Variants in BBX observed in about 807,000 individuals in gnomAD.
BBX encodes the protein BBX high mobility group box domain containing.
A neutral mutation model predicts 100.2 loss-of-function variants in BBX; 30 were observed. The ratio of observed to expected loss-of-function variants is 0.30; its 90% CI spans 0.22 to 0.41. The LOEUF (loss-of-function observed/expected upper bound fraction) is 0.41. Ranked by LOEUF, BBX falls within the 10% of genes least tolerant of loss-of-function variation. The pLI is 1.00. For synonymous variants in BBX, 376 were observed against 388.1 expected, an observed-to-expected ratio of 0.97 and a Z score of 0.37; for missense variants, 1,023 against 1,129.8, an observed-to-expected ratio of 0.91 and a Z score of 1.35.
intron 2 of BBX, among the ~76,000 whole-genome samples, chr3:107,613,688 A>G (rs1282280789): frequency 6.6e-6 from 1 of 152,078 alleles, no homozygotes; most frequent in Non-Finnish European, 1.5e-5. Flanking sequence ...GATTCAATAC[A>G]TATGCTTTTT....
chr3:107,763,540 A>T (rs1408985045), intron 10 of BBX, among the ~76,000 whole-genome samples: 1 of 152,230 alleles, frequency 6.6e-6, no homozygotes, highest in Non-Finnish European at 1.5e-5. Context: ...GCGAGTCCGT[A>T]GTAACAAACT....
At chr3:107,728,743 C>T (rs754000701) in intron 5 of BBX, 22 bp from the exon 6 acceptor site, 1 of 1,579,062 alleles carries the variant, frequency 6.3e-7, no homozygotes, top group South Asian at 1.2e-5. Flanking sequence ...TTAAAATCTG[C>T]TGTCTGTCGT....
chr3:107,603,674 G>A (rs1005256431), intron 2 of BBX, among the ~76,000 whole-genome samples: 2 of 151,990 alleles, frequency 1.3e-5, no homozygotes, highest in African/African-American at 4.8e-5. Flanking sequence ...CACCGTACCC[G>A]GCCTCCTTGT....
chr3:107,644,096 A>G (rs1188095368), intron 2 of BBX, among the ~76,000 whole-genome samples: 2 of 152,212 alleles, frequency 1.3e-5, no homozygotes, highest in Non-Finnish European at 2.9e-5. Flanking sequence ...TTATCAAGAC[A>G]AAGTGCAATT....
chr3:107,725,445 G>T (rs1384431542), intron 5 of BBX, among the ~76,000 whole-genome samples: 1 of 152,028 alleles, frequency 6.6e-6, no homozygotes, highest in Admixed American at 6.6e-5. Context: ...CCAACACTAT[G>T]TTGAATAGGA....
chr3:107,735,993 A>G (rs2063610834), intron 7 of BBX, among the ~76,000 whole-genome samples: 1 of 152,092 alleles, frequency 6.6e-6, no homozygotes, highest in Admixed American at 6.6e-5. Flanking sequence ...TTATTTGCAC[A>G]TAATCGGCCT....
intron 2 of BBX, among the ~76,000 whole-genome samples, chr3:107,605,733 A>G (rs636952): frequency 0.5 from 76,551 of 152,058 alleles, 20,798 homozygotes; most frequent in East Asian, 0.92. Context: ...CTCATTTTGC[A>G]GATGAAGAAA....
intron 2 of BBX, among the ~76,000 whole-genome samples, chr3:107,558,450 C>T (rs2050240741): frequency 6.6e-6 from 1 of 151,958 alleles, no homozygotes; most frequent in South Asian, 2.1e-4. Context: ...ATCACACCAC[C>T]ATACTTCAGC....
intron 10 of BBX, among the ~76,000 whole-genome samples, chr3:107,771,313 T>TA (rs1158083064): frequency 6.6e-6 from 1 of 152,154 alleles, no homozygotes; most frequent in Non-Finnish European, 1.5e-5. Flanking sequence ...TTTCCCATTT[T>TA]AAAAAATAGC....
chr3:107,787,801 ACATCTTGGAGAAGAACATTTTCTAGGC>A (rs2068597108), intron 13 of BBX, among the ~76,000 whole-genome samples: 1 of 152,158 alleles, frequency 6.6e-6, no homozygotes, highest in African/African-American at 2.4e-5. Flanking sequence ...AGCCGTGCGG[ACATCTTGGAGAAGAACATTTTCTAGGC>A]CATCTTGGAG....
At chr3:107,790,291 GC>G (rs1442265333) in intron 14 of BBX, among the ~76,000 whole-genome samples, 2 of 152,086 alleles carry the variant, frequency 1.3e-5, no homozygotes, top group Non-Finnish European at 2.9e-5. Flanking sequence ...ATGTGAAAGT[GC>G]CCCCGTTTCT....
At chr3:107,538,450 A>C (rs958247383) in intron 2 of BBX, among the ~76,000 whole-genome samples, 1 of 152,148 alleles carries the variant, frequency 6.6e-6, no homozygotes, top group Non-Finnish European at 1.5e-5. Flanking sequence ...TTTCTGATCT[A>C]TATATTTCAA....
At chr3:107,621,922 A>G (rs9839653) in intron 2 of BBX, among the ~76,000 whole-genome samples, 19,101 of 152,158 alleles carry the variant, frequency 0.13, 1,433 homozygotes, top group Middle Eastern at 0.19. Flanking sequence ...TTTTTTAAAC[A>G]TGGGGCCTAA....
At position 107,798,613 on chromosome 3, in the gene BBX, C is replaced by T. The variant is rs142474878; in HGVS notation, c.2444C>T (p.Thr815Met). 8,739 of 1,614,000 alleles carry T rather than the reference C, an allele frequency of 5.4e-3. 41 individuals are homozygous for T. The highest frequency in any genetic ancestry group is 5.5e-3 in the Non-Finnish European group (6,522 of 1,179,956). The change falls in exon 16 of 18, where the codon ACG becomes ATG. Residue 815 changes from threonine to methionine, a missense_variant. Around this residue, in one of 9 missense-constraint regions of BBX, gnomAD observed 12 missense variants for 30.7 expected, o/e 0.39. Coordinates refer to ENST00000325805, the MANE Select transcript of BBX (RefSeq NM_001142568.3). ...TTCAACACTCCAGAGCCAACAACAA[C>T]GCAAGAACCTTTGGTGGGCAGCCAA... ...SIFNTPEPTTTQEPLVGSQKR... is the reference protein window; with the variant it reads ...SIFNTPEPTTMQEPLVGSQKR...
intron 3 of BBX, among the ~76,000 whole-genome samples, chr3:107,697,326 G>GT (rs2060689177): frequency 6.6e-6 from 1 of 151,974 alleles, no homozygotes; most frequent in South Asian, 2.1e-4. Flanking sequence ...CATCTTTGTG[G>GT]TTTTATCTAC....
chr3:107,530,170 T>A (rs1354172685), intron 2 of BBX, among the ~76,000 whole-genome samples: 1 of 152,144 alleles, frequency 6.6e-6, no homozygotes, highest in Non-Finnish European at 1.5e-5. Context: ...AGCAAGTGGA[T>A]CACCTGAGGT....
At chr3:107,722,821 G>A (rs938096727) in intron 5 of BBX, among the ~76,000 whole-genome samples, 1 of 151,830 alleles carries the variant, frequency 6.6e-6, no homozygotes, top group African/African-American at 2.4e-5. Flanking sequence ...TTATCCTAAC[G>A]ATAATTTTTA....
intron 2 of BBX, among the ~76,000 whole-genome samples, chr3:107,578,205 A>G (rs541799436): frequency 1.3e-5 from 2 of 152,356 alleles, no homozygotes; most frequent in South Asian, 4.1e-4. Context: ...TTTAAGATAA[A>G]CAGTATCTAG....
At chr3:107,765,799 G>A (rs2066344759) in intron 10 of BBX, among the ~76,000 whole-genome samples, 1 of 152,146 alleles carries the variant, frequency 6.6e-6, no homozygotes, top group Non-Finnish European at 1.5e-5. Flanking sequence ...AGAGGCCAAG[G>A]ATTTGCTTAC....
Sources: gnomAD v4.1 joint callset for allele counts (sites outside exome capture counted in the v4.1 genomes callset) on GRCh38, gnomAD v4.1.1 for gene constraint, gnomAD v4.1.1 regional missense constraint, MANE v1.5 for transcripts, NCBI Gene and HGNC (gene_info 2026-07-23, HGNC 2026-07-21) for gene names.